Variants in WASF1 observed in about 807,000 individuals in gnomAD.
WASF1 encodes actin-binding protein WASF1.
In WASF1, 7 loss-of-function variants were observed where a neutral mutation model predicts 50.5. That is an observed-to-expected ratio of 0.14 (90% CI 0.08 to 0.26). WASF1 has a LOEUF of 0.26. Ranked by LOEUF, WASF1 falls within the 10% of genes least tolerant of loss-of-function variation. The pLI, the probability that WASF1 is intolerant of heterozygous loss-of-function variation, is 1.00. For missense variants in WASF1, 470 were observed against 694.7 expected, an observed-to-expected ratio of 0.68 and a Z score of 3.64; for synonymous variants, 205 against 244.0, an observed-to-expected ratio of 0.84 and a Z score of 1.49.
At position 110,135,906 on chromosome 6, in the gene WASF1, T is replaced by C. The variant is rs1344074278; in HGVS notation, c.-28-8277A>G. Reference sequence around the variant, plus strand: ...TTTTTTTTTTTTTTTTTTTTTGAGATGGAGTCTCGCTCTGTCGCCCAGGCT... The same window carrying C: ...TTTTTTTTTTTTTTTTTTTTTGAGACGGAGTCTCGCTCTGTCGCCCAGGCT... On this transcript the variant is annotated intron_variant, in intron 3 of 10. Transcript: ENST00000392589. 3.6e-3 allele frequency among the ~76,000 whole-genome samples: 467 copies of C among 129,246 alleles called. 3 individuals are homozygous for C. Among genetic ancestry groups the C allele is most frequent in the African/African-American group, 0.014 (437 of 32,328 alleles). 84.8% of individuals were successfully genotyped at this position (129,246 alleles called of 152,430 possible). A position where few individuals can be genotyped will look rare whatever the true frequency, so the allele number is the denominator to read the frequency against.
At chr6:110,152,358 C>A (rs1163786776) in intron 3 of WASF1, among the ~76,000 whole-genome samples, 3 of 152,090 alleles carry the variant, frequency 2.0e-5, no homozygotes, top group African/African-American at 4.8e-5. Flanking sequence ...AATATTAAAT[C>A]CAACAAAAAC....
chr6:110,177,820 T>C (rs974677356), intron 2 of WASF1, among the ~76,000 whole-genome samples: 11 of 151,996 alleles, frequency 7.2e-5, no homozygotes. Flanking sequence ...CAAGGAAAGA[T>C]GGAAAAGGAA....
At chr6:110,106,822 T>A (rs893158797) in intron 7 of WASF1, among the ~76,000 whole-genome samples, 2 of 152,234 alleles carry the variant, frequency 1.3e-5, no homozygotes, top group African/African-American at 4.8e-5. Flanking sequence ...CTAAAGCAGA[T>A]GCTATTTTGT....
Position 110,171,471 on chromosome 6 carries a change from G to A in WASF1, c.-127+7127C>T, listed in dbSNP as rs542065301. Among the ~76,000 whole-genome samples the A allele has an allele frequency of 2.7e-3, 409 of 152,102 alleles. 1 individual carries two copies. Among genetic ancestry groups the A allele is most frequent in the African/African-American group, 9.5e-3 (394 of 41,506 alleles). On this transcript the variant is annotated intron_variant, in intron 2 of 10. Transcript: ENST00000392589. ...TATGGCACCAAGTATATATACAGACGGTCCGCAGTTTATAACGGGGTTGTA... is the reference window on the plus strand; with the variant it reads ...TATGGCACCAAGTATATATACAGACAGTCCGCAGTTTATAACGGGGTTGTA...
In WASF1 at chr6:110,127,602, C is replaced by T. The variant is rs776430415; in HGVS notation, c.-1G>A. The T allele has an allele frequency of 1.9e-6, 3 of 1,552,540 alleles. No individual in the cohort carries two copies. The highest frequency in any genetic ancestry group is 2.6e-6 in the Non-Finnish European group (3 of 1,151,232). On this transcript the variant is annotated 5_prime_UTR_variant, in exon 4 of 11. Transcript: ENST00000392589. ...CGATGTTTCTTTTCACTAGCGGCAT[C>T]TTGAGATTAACCTTTGTGCCAGTTC...
At chr6:110,161,909 T>G (rs886511883) in intron 2 of WASF1, among the ~76,000 whole-genome samples, 6 of 151,416 alleles carry the variant, frequency 4.0e-5, no homozygotes, top group Admixed American at 3.3e-4. Flanking sequence ...TACCCACATA[T>G]GCAAATAAAG....
chr6:110,139,752 G>C (rs193144717), intron 3 of WASF1, among the ~76,000 whole-genome samples: 1 of 152,190 alleles, frequency 6.6e-6, no homozygotes, highest in African/African-American at 2.4e-5. Context: ...GACCTCCAGT[G>C]GATGCCTGAA....
chr6:110,104,711 C>T (rs1203391866), intron 8 of WASF1, among the ~76,000 whole-genome samples: 1 of 152,152 alleles, frequency 6.6e-6, no homozygotes, highest in African/African-American at 2.4e-5. Flanking sequence ...ATCGCTTGAA[C>T]CCAGGAGGCA....
At chr6:110,138,266 C>T (rs1183724153) in intron 3 of WASF1, among the ~76,000 whole-genome samples, 1 of 152,196 alleles carries the variant, frequency 6.6e-6, no homozygotes. Context: ...CACTGTGGTG[C>T]CCAGAAGCTT....
At chr6:110,154,897 T>C (rs1282420315) in intron 3 of WASF1, among the ~76,000 whole-genome samples, 1 of 152,134 alleles carries the variant, frequency 6.6e-6, no homozygotes, top group Non-Finnish European at 1.5e-5. Flanking sequence ...AAAGTTGTCC[T>C]TGGTGAAAGT....
At chr6:110,154,529 T>G (rs1156543818) in intron 3 of WASF1, among the ~76,000 whole-genome samples, 4 of 152,068 alleles carry the variant, frequency 2.6e-5, no homozygotes, top group Non-Finnish European at 5.9e-5. Context: ...TTCACTTGAT[T>G]GAATTTCCAT....
Position 110,108,672 on chromosome 6 carries a change from T to C in WASF1, c.278A>G (p.Gln93Arg). 1 of 1,610,742 alleles carries C rather than the reference T, an allele frequency of 6.2e-7. No individual in the cohort carries two copies. Among genetic ancestry groups the C allele is most frequent in the East Asian group, 2.2e-5 (1 of 44,818 alleles). ...GAAAGCTTTCCTCATTGTTATATCT[T>C]GCAAAGACACTAAAACAAAAATCAA... ...LDPKEEELSL[Q>R]DITMRKAFRS... Residue 93 changes from glutamine (Q) to arginine (R), a missense_variant, in exon 6 of 11, where the codon CAA (glutamine) becomes CGA (arginine). By Grantham distance (43) the Gln-to-Arg change is conservative (BLOSUM62 1). This residue lies in a region of WASF1 where 140 missense variants were observed against 260.5 expected (regional missense o/e 0.54). Coordinates refer to ENST00000392589, the MANE Select transcript of WASF1 (RefSeq NM_003931.3).
chr6:110,123,060 C>A (rs529808234), intron 4 of WASF1, among the ~76,000 whole-genome samples: 2 of 152,176 alleles, frequency 1.3e-5, no homozygotes, highest in African/African-American at 4.8e-5. Context: ...TTATCTATAT[C>A]TGTCCACCTG....
chr6:110,146,490 TAAG>T (rs1775567896), intron 3 of WASF1, among the ~76,000 whole-genome samples: 1 of 151,768 alleles, frequency 6.6e-6, no homozygotes, highest in African/African-American at 2.4e-5. Flanking sequence ...AAATTTAAAA[TAAG>T]AATGCATGAA....
intron 10 of WASF1, among the ~76,000 whole-genome samples, chr6:110,100,969 T>A (rs1455792372): frequency 1.3e-5 from 2 of 152,192 alleles, no homozygotes; most frequent in Non-Finnish European, 2.9e-5. Flanking sequence ...AATGAGGTGG[T>A]ACATTTCTTC....
chr6:110,158,780 A>C (rs950877957), intron 3 of WASF1, among the ~76,000 whole-genome samples: 1 of 151,962 alleles, frequency 6.6e-6, no homozygotes, highest in Non-Finnish European at 1.5e-5. Context: ...ACCAGCTACT[A>C]TTCTATTTAG....
At chr6:110,153,884 A>G (rs948217148) in intron 3 of WASF1, among the ~76,000 whole-genome samples, 7 of 152,138 alleles carry the variant, frequency 4.6e-5, no homozygotes, top group African/African-American at 1.7e-4. Flanking sequence ...AAAAATACTC[A>G]ATTAGAATGA....
chr6:110,119,370 C>G (rs1374995348), intron 4 of WASF1, among the ~76,000 whole-genome samples: 3 of 152,108 alleles, frequency 2.0e-5, no homozygotes, highest in Non-Finnish European at 4.4e-5. Flanking sequence ...CACTGCCAAT[C>G]CCCCAGAAAT....
intron 4 of WASF1, among the ~76,000 whole-genome samples, chr6:110,126,793 G>A (rs1774437276): frequency 6.6e-6 from 1 of 152,140 alleles, no homozygotes; most frequent in Non-Finnish European, 1.5e-5. Flanking sequence ...CCTTAACCAA[G>A]TTGCTCTATT....
Sources: gnomAD v4.1 joint callset for allele counts (sites outside exome capture counted in the v4.1 genomes callset) on GRCh38, gnomAD v4.1.1 for gene constraint, gnomAD v4.1.1 regional missense constraint, MANE v1.5 for transcripts, NCBI Gene and HGNC (gene_info 2026-07-23, HGNC 2026-07-21) for gene names.